The following CDYL variants were observed in gnomAD, a reference collection of about 807,000 sequenced individuals.
The protein encoded by CDYL is chromodomain Y-like protein.
In CDYL, 8 loss-of-function variants were observed where a neutral mutation model predicts 47.3. The observed-to-expected ratio is 0.17, with a 90% CI of 0.10 to 0.31. The LOEUF (loss-of-function observed/expected upper bound fraction) is 0.31, where lower values mean the gene tolerates loss of function less well. CDYL is among the 10% of genes least tolerant of loss of function. CDYL has a pLI of 1.00. For synonymous variants in CDYL, 266 were observed against 265.0 expected, an observed-to-expected ratio of 1.00 and a Z score of -0.04; for missense variants, 471 against 701.4, an observed-to-expected ratio of 0.67 and a Z score of 3.71.
In CDYL at chr6:4,892,169, G is replaced by A. The variant is rs573123342; in HGVS notation, c.481G>A (p.Glu161Lys). The A allele has an allele frequency of 1.4e-5, 23 of 1,614,214 alleles. No individual in the cohort carries two copies. Among genetic ancestry groups the A allele is most frequent in the Middle Eastern group, 1.6e-4 (1 of 6,062 alleles). Residue 161 changes from glutamate (E) to lysine (K), a missense_variant, in exon 2 of 7, where the codon GAG (glutamate) becomes AAG (lysine). Physicochemically the swap from Glu to Lys is moderately conservative, Grantham distance 56. Transcript: ENST00000397588. ...SRTAVDGFQS[E>K]SPEKLDPVEQ... is the part of the protein sequence containing the mutation. ...GACCGCAGTGGACGGCTTTCAGAGCGAGAGCCCTGAGAAACTGGACCCCGT... is the reference window on the plus strand; with the variant it reads ...GACCGCAGTGGACGGCTTTCAGAGCAAGAGCCCTGAGAAACTGGACCCCGT...
At chr6:4,833,051 GTT>G (rs1261477265) in intron 1 of CDYL, among the ~76,000 whole-genome samples, 2 of 146,658 alleles carry the variant, frequency 1.4e-5, no homozygotes, top group East Asian at 4.0e-4. Context: ...TTTTTGAAGG[GTT>G]TTTTGTGTCT....
At chr6:4,710,619 T>C (rs1266369810) in intron 1 of CDYL, among the ~76,000 whole-genome samples, 1 of 151,940 alleles carries the variant, frequency 6.6e-6, no homozygotes, top group African/African-American at 2.4e-5. Context: ...GCCCATCCAA[T>C]CTATTCAGCT....
chr6:4,852,353 A>T (rs1335118958), intron 1 of CDYL, among the ~76,000 whole-genome samples: 2 of 118,730 alleles, frequency 1.7e-5, no homozygotes, highest in African/African-American at 3.4e-5. Flanking sequence ...CTTCCTTCCA[A>T]TCTTCCTTCC....
rs774029556 is a variant in CDYL at position 4,943,570 on chromosome 6, A to G, written c.1146A>G (p.Gln382=). Residue 382 remains glutamine, a synonymous_variant, in exon 5 of 7, where the codon CAA becomes CAG. Coordinates refer to ENST00000397588, the MANE Select transcript of CDYL (RefSeq NM_004824.4). Reference sequence around the variant, plus strand: ...GAAACTTCGTGAATACTTTCATTCAATTTAAGAAGCCCATTATTGTAGCAG... The same window carrying G: ...GAAACTTCGTGAATACTTTCATTCAGTTTAAGAAGCCCATTATTGTAGCAG... ...AIRNFVNTFI[Q]FKKPIIVAVN... 3.1e-6 allele frequency: 5 copies of G among 1,607,292 alleles called. No individual in the cohort carries two copies. In the African/African-American group the frequency reaches 5.4e-5, roughly 17 times the overall value.
chr6:4,728,855 A>G (rs1757557425), intron 2 of CDYL, among the ~76,000 whole-genome samples: 1 of 152,188 alleles, frequency 6.6e-6, no homozygotes, highest in African/African-American at 2.4e-5. Context: ...GAAGTGGAAC[A>G]ATGACTTCTC....
chr6:4,883,350 G>A (rs571870257), intron 1 of CDYL, among the ~76,000 whole-genome samples: 10 of 152,142 alleles, frequency 6.6e-5, no homozygotes, highest in Non-Finnish European at 1.3e-4. Context: ...GCAAGGGACT[G>A]AAGTGAAGCT....
At chr6:4,917,058 G>C (rs1233555293) in intron 2 of CDYL, among the ~76,000 whole-genome samples, 2 of 151,630 alleles carry the variant, frequency 1.3e-5, no homozygotes, top group Non-Finnish European at 2.9e-5. Flanking sequence ...TAGGAAAACT[G>C]TTGCTTTTCT....
At chr6:4,923,637 A>G (rs1223796019) in intron 2 of CDYL, among the ~76,000 whole-genome samples, 2 of 152,184 alleles carry the variant, frequency 1.3e-5, no homozygotes, top group Non-Finnish European at 2.9e-5. Context: ...AGAAACCTGC[A>G]TACTCTTTTC....
chr6:4,783,186 T>TTTTTG (rs1297587834), intron 1 of CDYL, among the ~76,000 whole-genome samples: 10 of 134,824 alleles, frequency 7.4e-5, no homozygotes, highest in African/African-American at 3.6e-4. Context: ...GGGATTTTTT[T>TTTTTG]TTTTCTTAAG....
intron 3 of CDYL, among the ~76,000 whole-genome samples, chr6:4,763,438 G>T (rs544105214): frequency 1.2e-4 from 18 of 152,234 alleles, no homozygotes; most frequent in African/African-American, 4.3e-4. Flanking sequence ...AATAAGGATG[G>T]AATATAGAAT....
At chr6:4,831,961 TAAG>T (rs1437176207) in intron 1 of CDYL, among the ~76,000 whole-genome samples, 1 of 145,236 alleles carries the variant, frequency 6.9e-6, no homozygotes, top group Admixed American at 6.8e-5. Flanking sequence ...CTTATCAGCT[TAAG>T]GAGATTTTGG....
Position 4,943,769 on chromosome 6 carries a change from T to G in CDYL, c.1332+13T>G, listed in dbSNP as rs750894935. Reference sequence around the variant, plus strand: ...GGGAGGAGCATCTGTGAGTACCTTTTTAAAAAAAAAAAAAAAAAGTCATTC... The same window carrying G: ...GGGAGGAGCATCTGTGAGTACCTTTGTAAAAAAAAAAAAAAAAAGTCATTC... On this transcript the variant is annotated intron_variant, in intron 5 of 6. Coordinates refer to ENST00000397588, the MANE Select transcript of CDYL (RefSeq NM_004824.4). 15 of 1,210,478 alleles carry G rather than the reference T, an allele frequency of 1.2e-5. No individual in the cohort carries two copies. The highest frequency in any genetic ancestry group is 2.9e-5 in the South Asian group (2 of 68,436). The allele number at this position is 1,210,478 out of a possible 1,614,324, so 75.0% of individuals were successfully genotyped here.
chr6:4,783,228 C>G (rs953457223), intron 1 of CDYL, among the ~76,000 whole-genome samples: 1 of 149,640 alleles, frequency 6.7e-6, no homozygotes, highest in African/African-American at 2.5e-5. Context: ...TAGTGAGGGA[C>G]TATGGATGGA....
At chr6:4,811,076 A>G (rs1010139389) in intron 1 of CDYL, among the ~76,000 whole-genome samples, 1 of 152,242 alleles carries the variant, frequency 6.6e-6, no homozygotes, top group African/African-American at 2.4e-5. Flanking sequence ...GGAGCTAATG[A>G]AGCTTCAGTT....
chr6:4,806,730 T>G (rs994731850), intron 1 of CDYL, among the ~76,000 whole-genome samples: 30 of 152,240 alleles, frequency 2.0e-4, no homozygotes, highest in African/African-American at 7.2e-4. Flanking sequence ...TCTGGACACT[T>G]TCAAAGAGTG....
chr6:4,908,830 C>T (rs1352563273), intron 2 of CDYL, among the ~76,000 whole-genome samples: 1 of 152,200 alleles, frequency 6.6e-6, no homozygotes, highest in African/African-American at 2.4e-5. Context: ...TGTGCCCCTT[C>T]ATCCATACCG....
At chr6:4,919,169 G>T (rs1008596242) in intron 2 of CDYL, among the ~76,000 whole-genome samples, 2 of 152,178 alleles carry the variant, frequency 1.3e-5, no homozygotes, top group African/African-American at 4.8e-5. Context: ...CAAAATGAGT[G>T]TCTTTAAGAG....
intron 5 of CDYL, 89 bp downstream of exon 5, chr6:4,943,845 T>A: frequency 2.0e-6 from 2 of 983,628 alleles, no homozygotes; most frequent in South Asian, 1.7e-5. Flanking sequence ...TCTAAAGCTG[T>A]ACAGTGTGTC....
At chr6:4,837,182 T>C (rs768277841) in intron 1 of CDYL, among the ~76,000 whole-genome samples, 1 of 152,242 alleles carries the variant, frequency 6.6e-6, no homozygotes, top group Non-Finnish European at 1.5e-5. Flanking sequence ...ATTTGTTTTA[T>C]TTTACTAATT....
Sources: gnomAD v4.1 joint callset for allele counts (sites outside exome capture counted in the v4.1 genomes callset) on GRCh38, gnomAD v4.1.1 for gene constraint, MANE v1.5 for transcripts, NCBI Gene and HGNC (gene_info 2026-07-23, HGNC 2026-07-21) for gene names.